The following CEP63 variants were observed in gnomAD, a reference collection of about 807,000 sequenced individuals.
The protein encoded by CEP63 is centrosomal protein 63, also known as centrosomal protein of 63 kDa.
CEP63 carries 84 observed loss-of-function variants against 89.1 expected under a neutral mutation model. The ratio of observed to expected loss-of-function variants is 0.94; its 90% CI spans 0.79 to 1.13. The LOEUF is 1.13. Among genes scored for constraint, CEP63 ranks in the 50% most tolerant of loss-of-function variants. The pLI is 0.00. For missense variants in CEP63, 838 were observed against 813.3 expected (o/e 1.03, Z -0.37); for synonymous variants, 267 against 272.5 (o/e 0.98, Z 0.20).
At chr3:134,577,714 A>G (rs1387015940), downstream of CEP63, among the ~76,000 whole-genome samples, 1 of 151,866 alleles carries the variant, frequency 6.6e-6, no homozygotes, top group Non-Finnish European at 1.5e-5. Context: ...TCAACCCATC[A>G]TCTAGGTTTT....
chr3:134,555,922 AG>A (rs1170043727), intron 12 of CEP63, among the ~76,000 whole-genome samples: 1 of 151,978 alleles, frequency 6.6e-6, no homozygotes, highest in Non-Finnish European at 1.5e-5. Flanking sequence ...GTACCAAAAA[AG>A]AGATATAGAT....
the CEP63 span, among the ~76,000 whole-genome samples, chr3:134,599,265 C>G: frequency 6.6e-6 from 1 of 152,222 alleles, no homozygotes; most frequent in Admixed American, 6.5e-5. Context: ...ACTGTTTCTT[C>G]TGACTTCCTC....
the CEP63 span, among the ~76,000 whole-genome samples, chr3:134,715,981 T>C: frequency 5.3e-5 from 8 of 152,152 alleles, 1 homozygote; most frequent in South Asian, 6.2e-4. Context: ...TCAAAGACTT[T>C]TTTTTTTATC....
intron 3 of CEP63, among the ~76,000 whole-genome samples, chr3:134,523,589 T>C (rs1037991560): frequency 5.5e-4 from 84 of 152,326 alleles, no homozygotes; most frequent in Middle Eastern, 3.4e-3. Context: ...AGGGGTCCAG[T>C]TGCAATCTTC....
chr3:134,637,695 A>G, the CEP63 span, among the ~76,000 whole-genome samples: 1 of 152,240 alleles, frequency 6.6e-6, no homozygotes, highest in East Asian at 1.9e-4. Context: ...TTATCGCTTC[A>G]GGCAGCCACT....
chr3:134,500,585 G>A (rs955201140), intron 2 of CEP63, among the ~76,000 whole-genome samples: 6 of 152,052 alleles, frequency 3.9e-5, no homozygotes, highest in African/African-American at 1.2e-4. Flanking sequence ...TTTCTCCACC[G>A]CCTCACCAAC....
At chr3:134,569,714 C>T (rs1957938461), downstream of CEP63, among the ~76,000 whole-genome samples, 1 of 152,166 alleles carries the variant, frequency 6.6e-6, no homozygotes, top group South Asian at 2.1e-4. Context: ...AGGACAATGG[C>T]CCTCTTCTCA....
the CEP63 span, among the ~76,000 whole-genome samples, chr3:134,755,228 ACCCTGAGCCCTGAGCCCTGAG>A: frequency 3.3e-5 from 5 of 150,410 alleles, no homozygotes; most frequent in Admixed American, 6.6e-5. Context: ...AGAGCCCTGA[ACCCTGAGCCCTGAGCCCTGAG>A]CCCTGAGCCC....
At chr3:134,709,828 G>A in the CEP63 span, among the ~76,000 whole-genome samples, 2 of 152,154 alleles carry the variant, frequency 1.3e-5, no homozygotes, top group Non-Finnish European at 2.9e-5. Flanking sequence ...GATTAAGAAA[G>A]GTAAGATATT....
intron 3 of CEP63, among the ~76,000 whole-genome samples, chr3:134,524,811 A>G (rs1264300132): frequency 5.9e-5 from 9 of 152,168 alleles, no homozygotes; most frequent in East Asian, 5.8e-4. Flanking sequence ...TTCTGCATCA[A>G]TGTTCATCAA....
the CEP63 span, among the ~76,000 whole-genome samples, chr3:134,666,946 G>T: frequency 6.6e-6 from 1 of 152,162 alleles, no homozygotes; most frequent in Non-Finnish European, 1.5e-5. Flanking sequence ...TGTTTTACCG[G>T]AAAGCCCATG....
At chr3:134,595,964 A>C in the CEP63 span, among the ~76,000 whole-genome samples, 1 of 149,044 alleles carries the variant, frequency 6.7e-6, no homozygotes, top group African/African-American at 2.5e-5. Context: ...TTAGATCCTA[A>C]ATAGCTATAT....
downstream of CEP63, among the ~76,000 whole-genome samples, chr3:134,590,683 A>G (rs1265191231): frequency 6.6e-6 from 1 of 152,188 alleles, no homozygotes; most frequent in Non-Finnish European, 1.5e-5. Flanking sequence ...CATACAGTAC[A>G]CTACAATTAC....
chr3:134,715,348 A>G, the CEP63 span, among the ~76,000 whole-genome samples: 1 of 151,646 alleles, frequency 6.6e-6, no homozygotes, highest in South Asian at 2.1e-4. Context: ...CTCACTTATT[A>G]CTCTAAGTCA....
the CEP63 span, among the ~76,000 whole-genome samples, chr3:134,644,690 T>C: frequency 6.6e-6 from 1 of 152,338 alleles, no homozygotes; most frequent in East Asian, 1.9e-4. Flanking sequence ...TGATTCTTCT[T>C]GTGCAGATCA....
chr3:134,770,410 C>T, the CEP63 span, among the ~76,000 whole-genome samples: 12 of 152,170 alleles, frequency 7.9e-5, no homozygotes, highest in Non-Finnish European at 1.2e-4. Flanking sequence ...CTATCATTAG[C>T]ATAAGGATTG....
At chr3:134,663,613 A>G in the CEP63 span, among the ~76,000 whole-genome samples, 1 of 152,334 alleles carries the variant, frequency 6.6e-6, no homozygotes, top group African/African-American at 2.4e-5. Context: ...TGTCTTTGCC[A>G]ATTCCAGAGA....
the CEP63 span, among the ~76,000 whole-genome samples, chr3:134,765,325 A>T: frequency 6.6e-6 from 1 of 152,314 alleles, no homozygotes; most frequent in Admixed American, 6.5e-5. Context: ...GGCCTTGGGG[A>T]TGAGGTGGTA....
intron 3 of CEP63, chr3:134,510,858 A>G (rs970177390): frequency 1.1e-4 from 28 of 246,668 alleles, no homozygotes; most frequent in Non-Finnish European, 1.6e-4. Context: ...TAACTCCTTC[A>G]AGGAGAGCAG....
Sources: allele counts gnomAD v4.1 joint callset (sites outside exome capture counted in the v4.1 genomes callset), GRCh38; gene constraint gnomAD v4.1.1; transcripts MANE v1.5; gene names NCBI Gene and HGNC (gene_info 2026-07-23, HGNC 2026-07-21).